Variants in UNC13C observed in about 807,000 individuals in gnomAD.
The protein encoded by UNC13C is protein unc-13 homolog C.
A neutral mutation model predicts 245.4 loss-of-function variants in UNC13C; 174 were observed. The ratio of observed to expected loss-of-function variants is 0.71; its 90% CI spans 0.63 to 0.80. The LOEUF is 0.80. UNC13C is among the 30% of genes least tolerant of loss of function. The pLI, the probability that UNC13C is intolerant of heterozygous loss-of-function variation, is 0.00. For synonymous variants in UNC13C, 992 were observed against 895.1 expected, an observed-to-expected ratio of 1.11 and a Z score of -1.93; for missense variants, 2,829 against 2,602.9, an observed-to-expected ratio of 1.09 and a Z score of -1.89.
At chr15:53,990,040 G>A (rs1390962349) in intron 1 of UNC13C, among the ~76,000 whole-genome samples, 5 of 152,034 alleles carry the variant, frequency 3.3e-5, no homozygotes, top group Non-Finnish European at 7.4e-5. Flanking sequence ...AATTCATAAA[G>A]GGAGAAAAGG....
intron 19 of UNC13C, among the ~76,000 whole-genome samples, chr15:54,454,093 G>A (rs898547663): frequency 3.3e-5 from 5 of 150,780 alleles, no homozygotes; most frequent in African/African-American, 4.9e-5. Flanking sequence ...ACATGTATTG[G>A]TACTTTATTC....
chr15:54,012,980 TG>T lies in UNC13C; in HGVS notation c.80del (p.Gly27GlufsTer37), dbSNP rs760806971. The part of the protein sequence containing the change: ...KLCKGMFTKK[L>X]GNTNKNKEYR... ...TGCAAAGGAATGTTTACAAAGAAAT[TG>T]GGAAATACAAACAAAAACAAAGAGT... On this transcript the variant is annotated frameshift_variant, in exon 2 of 33. Transcript: ENST00000260323. LOFTEE classifies it high-confidence loss of function. 2.4e-5 allele frequency: 39 copies of T among 1,613,680 alleles called. No individual in the cohort carries two copies. Among genetic ancestry groups the T allele is most frequent in the Non-Finnish European group, 3.2e-5 (38 of 1,179,808 alleles).
At chr15:54,501,486 T>A (rs1894212061) in intron 22 of UNC13C, among the ~76,000 whole-genome samples, 1 of 152,176 alleles carries the variant, frequency 6.6e-6, no homozygotes, top group South Asian at 2.1e-4. Context: ...ACCAAGTTCA[T>A]CTTAAGGCCC....
intron 2 of UNC13C, among the ~76,000 whole-genome samples, chr15:54,131,175 A>G (rs2031392776): frequency 6.6e-6 from 1 of 152,156 alleles, no homozygotes; most frequent in East Asian, 1.9e-4. Flanking sequence ...GTTACCTAGT[A>G]TTTGTGTGTC....
intron 7 of UNC13C, among the ~76,000 whole-genome samples, chr15:54,244,146 A>G (rs183140785): frequency 6.6e-6 from 1 of 152,206 alleles, no homozygotes; most frequent in Non-Finnish European, 1.5e-5. Context: ...ATCTTGAGTT[A>G]ATTTTTGTAT....
chr15:53,946,912 G>A, the UNC13C span, among the ~76,000 whole-genome samples: 2 of 152,108 alleles, frequency 1.3e-5, no homozygotes, highest in South Asian at 4.2e-4. Context: ...TTTTGTTGAG[G>A]ATTTTTGCAT....
chr15:53,877,954 T>C, the UNC13C span, among the ~76,000 whole-genome samples: 1 of 152,228 alleles, frequency 6.6e-6, no homozygotes, highest in Non-Finnish European at 1.5e-5. Flanking sequence ...GTTTGTTTCA[T>C]TTATATGTCT....
intron 4 of UNC13C, among the ~76,000 whole-genome samples, chr15:54,167,621 A>AG (rs897986402): frequency 3.3e-5 from 5 of 149,260 alleles, no homozygotes; most frequent in Admixed American, 6.7e-5. Flanking sequence ...AAAAAAAAAA[A>AG]AAAGAAACAA....
intron 28 of UNC13C, among the ~76,000 whole-genome samples, chr15:54,552,637 A>T (rs1416670677): frequency 1.2e-5 from 1 of 82,494 alleles, no homozygotes; most frequent in East Asian, 3.6e-4. Context: ...ATTGTACAAT[A>T]TAATATAATT....
intron 7 of UNC13C, among the ~76,000 whole-genome samples, chr15:54,248,850 C>T (rs2036066343): frequency 6.6e-6 from 1 of 151,978 alleles, no homozygotes; most frequent in Non-Finnish European, 1.5e-5. Context: ...AGTACCATTA[C>T]CAAACATATT....
intron 2 of UNC13C, among the ~76,000 whole-genome samples, chr15:54,129,250 CGTACATAT>C: frequency 6.6e-6 from 1 of 152,204 alleles, no homozygotes; most frequent in Admixed American, 6.5e-5. Context: ...TGGCCAGATG[CGTACATAT>C]GTACATACAT....
At chr15:54,006,911 A>G (rs577756053) in intron 1 of UNC13C, among the ~76,000 whole-genome samples, 7 of 152,260 alleles carry the variant, frequency 4.6e-5, no homozygotes, top group Non-Finnish European at 1.0e-4. Context: ...TGTTTTGCAC[A>G]GGGGCCCTCT....
At chr15:54,265,569 A>G (rs993493617) in intron 10 of UNC13C, 73 bp downstream of exon 10, 25 of 1,151,360 alleles carry the variant, frequency 2.2e-5, no homozygotes, top group South Asian at 2.8e-5. Context: ...CATACAAAGG[A>G]TGCAATAATT....
chr15:54,231,728 T>C (rs1044556386), intron 4 of UNC13C, among the ~76,000 whole-genome samples: 7 of 152,010 alleles, frequency 4.6e-5, no homozygotes, highest in Non-Finnish European at 8.8e-5. Flanking sequence ...AACAATCAAC[T>C]ATACCTAAAA....
chr15:54,144,430 C>G (rs555960333), intron 4 of UNC13C, among the ~76,000 whole-genome samples: 4 of 151,906 alleles, frequency 2.6e-5, no homozygotes, highest in Non-Finnish European at 5.9e-5. Context: ...TAAAATTGTC[C>G]TATACATAAT....
chr15:54,260,982 G>A (rs905566683), intron 8 of UNC13C, among the ~76,000 whole-genome samples: 7 of 152,112 alleles, frequency 4.6e-5, no homozygotes, highest in African/African-American at 1.2e-4. Context: ...ATTAAATTAC[G>A]TAGAAGAGAA....
chr15:54,148,285 C>T (rs1595912172), intron 4 of UNC13C, among the ~76,000 whole-genome samples: 1 of 152,154 alleles, frequency 6.6e-6, no homozygotes, highest in Admixed American at 6.5e-5. Flanking sequence ...TCACCAGGAA[C>T]AACTATCTTG....
rs1233814195 is a variant in UNC13C, at chr15:54,383,785, T to C, written c.4714-9263T>C. Among the ~76,000 whole-genome samples the C allele has an allele frequency of 7.9e-5, 12 of 152,034 alleles. 1 individual carries two copies. The highest frequency in any genetic ancestry group is 7.9e-4 in the Admixed American group (12 of 15,244). On this transcript the variant is annotated intron_variant, in intron 17 of 32. Transcript: ENST00000260323. ...GATAATCCAAAAGACTACCAGAAAATTCTTAGAACTTATAAACAAAGTCAG... is the reference window on the plus strand; with the variant it reads ...GATAATCCAAAAGACTACCAGAAAACTCTTAGAACTTATAAACAAAGTCAG...
chr15:54,160,147 T>A (rs1274450683), intron 4 of UNC13C, among the ~76,000 whole-genome samples: 1 of 152,000 alleles, frequency 6.6e-6, no homozygotes, highest in South Asian at 2.1e-4. Flanking sequence ...TCTGTCAGAA[T>A]AAATAATGAT....
Sources: gnomAD v4.1 joint callset for allele counts (sites outside exome capture counted in the v4.1 genomes callset) on GRCh38, gnomAD v4.1.1 for gene constraint, MANE v1.5 for transcripts, NCBI Gene and HGNC (gene_info 2026-07-23, HGNC 2026-07-21) for gene names.